P2RY8: variants seen among roughly 807,000 people sequenced by gnomAD.
The protein encoded by P2RY8 is S-geranylgeranyl-glutathione receptor P2RY8.
P2RY8 carries 6 observed loss-of-function variants against 10.0 expected under a neutral mutation model. The ratio of observed to expected loss-of-function variants is 0.60; its 90% CI spans 0.33 to 1.19. The LOEUF (loss-of-function observed/expected upper bound fraction) is 1.19. Among genes scored for constraint, P2RY8 ranks in the 50% most tolerant of loss-of-function variants. The pLI, the probability that P2RY8 is intolerant of heterozygous loss-of-function variation, is 0.04. For synonymous variants in P2RY8, 276 were observed against 252.5 expected, an observed-to-expected ratio of 1.09 and a Z score of -0.88; for missense variants, 456 against 542.0, an observed-to-expected ratio of 0.84 and a Z score of 1.58.
intron 1 of P2RY8, among the ~76,000 whole-genome samples, chrX:1,535,500 C>T (rs1318622262): frequency 6.6e-6 from 1 of 151,764 alleles, no homozygotes; most frequent in Non-Finnish European, 1.5e-5. Context: ...AAATATGCTA[C>T]TATCTGGCGC....
chrX:1,504,863 T>C (rs1381617342), intron 1 of P2RY8, among the ~76,000 whole-genome samples: 1 of 152,110 alleles, frequency 6.6e-6, no homozygotes, highest in Non-Finnish European at 1.5e-5. Context: ...CCAGGCGTGG[T>C]GGCTCACGCC....
chrX:1,465,193 C>A lies in P2RY8; in HGVS notation c.*286G>T, dbSNP rs1191136170. 4.0e-6 allele frequency: 2 copies of A among 504,076 alleles called. No homozygotes were observed. Among genetic ancestry groups the A allele is most frequent in the Non-Finnish European group, 3.5e-6 (1 of 288,226 alleles). 31.2% of individuals were successfully genotyped at this position (504,076 alleles called of 1,614,324 possible). A position where few individuals can be genotyped will look rare whatever the true frequency, so the allele number is the denominator to read the frequency against. On this transcript the variant is annotated 3_prime_UTR_variant, in exon 2 of 2. Transcript: ENST00000381297. ...AGCCGGGCGTGGTGACACAAGCTGTCCCCTGACACAGAGAGGCAGAGGCAC... is the reference window on the plus strand; with the variant it reads ...AGCCGGGCGTGGTGACACAAGCTGTACCCTGACACAGAGAGGCAGAGGCAC...
intron 1 of P2RY8, among the ~76,000 whole-genome samples, chrX:1,474,343 G>GTGGATGGA (rs779596494): frequency 2.5e-5 from 3 of 121,054 alleles, no homozygotes; most frequent in East Asian, 2.5e-4. Flanking sequence ...GTATGGGTGT[G>GTGGATGGA]TGGATGGATG....
At chrX:1,536,462 G>A (rs1313989845) in intron 1 of P2RY8, among the ~76,000 whole-genome samples, 2 of 151,856 alleles carry the variant, frequency 1.3e-5, no homozygotes, top group South Asian at 2.1e-4. Flanking sequence ...GGGTTTCACC[G>A]TGTTAGCCAG....
At chrX:1,529,898 T>C (rs1216762171) in intron 1 of P2RY8, among the ~76,000 whole-genome samples, 1 of 151,852 alleles carries the variant, frequency 6.6e-6, no homozygotes, top group Non-Finnish European at 1.5e-5. Flanking sequence ...AGGACAGTTC[T>C]GGTTGTCGCA....
chrX:1,525,720 G>A (rs191692034), intron 1 of P2RY8, among the ~76,000 whole-genome samples: 156 of 149,988 alleles, frequency 1.0e-3, no homozygotes, highest in African/African-American at 3.8e-3. Flanking sequence ...TTTATCCATC[G>A]GTTCATTCAT....
chrX:1,524,666 C>T lies in P2RY8; in HGVS notation c.-25+12255G>A, dbSNP rs1196879965. 3.6e-4 allele frequency among the ~76,000 whole-genome samples: 31 copies of T among 86,446 alleles called. 2 individuals carry two copies. The highest frequency in any genetic ancestry group is 1.1e-3 in the African/African-American group (26 of 24,210). The allele number at this position is 86,446 out of a possible 152,430, so 56.7% of individuals were successfully genotyped here. On this transcript the variant is annotated intron_variant, in intron 1 of 1. Transcript: ENST00000381297. ...CCATACATCCATCCATCCATCCATCCATTCATCCATCCATCCATCCATCCA... is the reference window on the plus strand; with the variant it reads ...CCATACATCCATCCATCCATCCATCTATTCATCCATCCATCCATCCATCCA...
chrX:1,522,174 C>T (rs1362122949), intron 1 of P2RY8, among the ~76,000 whole-genome samples: 1 of 151,458 alleles, frequency 6.6e-6, no homozygotes, highest in Non-Finnish European at 1.5e-5. Context: ...AGGCTAGTCT[C>T]GAACCCCTGA....
intron 1 of P2RY8, 130 bp from the exon 2 acceptor site, chrX:1,466,712 C>CTCCT (rs2091684379): frequency 2.9e-6 from 2 of 691,932 alleles, no homozygotes; most frequent in Non-Finnish European, 4.7e-6. Context: ...CTGCTGTCTC[C>CTCCT]TCCCTCCCTC....
intron 1 of P2RY8, among the ~76,000 whole-genome samples, chrX:1,484,235 C>T (rs2091965682): frequency 6.6e-6 from 1 of 152,148 alleles, no homozygotes; most frequent in Non-Finnish European, 1.5e-5. Flanking sequence ...CTCCAGTATA[C>T]GTATTTCCCC....
chrX:1,512,100 G>T (rs1255964853), intron 1 of P2RY8, among the ~76,000 whole-genome samples: 1 of 152,124 alleles, frequency 6.6e-6, no homozygotes, highest in African/African-American at 2.4e-5. Context: ...AGGGTCTCCT[G>T]TGTAAGAGTG....
intron 1 of P2RY8, among the ~76,000 whole-genome samples, chrX:1,478,443 AAT>A (rs1162477033): frequency 9.2e-5 from 14 of 151,994 alleles, no homozygotes; most frequent in African/African-American, 3.4e-4. Flanking sequence ...GGTGGTTTTC[AAT>A]ATGGGAAGCT....
chrX:1,518,383 GC>G (rs1317485993), intron 1 of P2RY8, among the ~76,000 whole-genome samples: 1 of 147,016 alleles, frequency 6.8e-6, no homozygotes, highest in Non-Finnish European at 1.5e-5. Context: ...CTGAGACTGT[GC>G]CACTGCACTC....
chrX:1,509,725 C>CTATGTATCTATA (rs2092280476), intron 1 of P2RY8, among the ~76,000 whole-genome samples: 3 of 129,970 alleles, frequency 2.3e-5, no homozygotes, highest in South Asian at 2.4e-4. Flanking sequence ...ATCTATGCAT[C>CTATGTATCTATA]TATGTATCTA....
chrX:1,524,597 T>TC (rs2092421645), intron 1 of P2RY8, among the ~76,000 whole-genome samples: 5 of 17,244 alleles, frequency 2.9e-4, no homozygotes, highest in African/African-American at 6.7e-4. Context: ...ATCCATCCAT[T>TC]CATCCATCTA....
At chrX:1,501,238 G>A (rs1320249125) in intron 1 of P2RY8, among the ~76,000 whole-genome samples, 2 of 152,158 alleles carry the variant, frequency 1.3e-5, no homozygotes, top group South Asian at 2.1e-4. Context: ...TTTTCGGTCC[G>A]ACTTCAAGGG....
intron 1 of P2RY8, among the ~76,000 whole-genome samples, chrX:1,491,867 G>A (rs1161277417): frequency 1.1e-4 from 16 of 152,172 alleles, no homozygotes; most frequent in Non-Finnish European, 2.1e-4. Flanking sequence ...TGGAGCAAAT[G>A]AGTAAATGAA....
chrX:1,477,456 C>A (rs2091888766), intron 1 of P2RY8, among the ~76,000 whole-genome samples: 1 of 152,172 alleles, frequency 6.6e-6, no homozygotes, highest in Admixed American at 6.5e-5. Flanking sequence ...GATCTTTCAT[C>A]TATTCATATC....
chrX:1,479,421 G>C (rs2091911574), intron 1 of P2RY8, among the ~76,000 whole-genome samples: 1 of 152,194 alleles, frequency 6.6e-6, no homozygotes, highest in Admixed American at 6.5e-5. Flanking sequence ...ACATTTTCTA[G>C]GATCGATTTC....
Sources: gnomAD v4.1 joint callset for allele counts (sites outside exome capture counted in the v4.1 genomes callset) on GRCh38, gnomAD v4.1.1 for gene constraint, MANE v1.5 for transcripts, NCBI Gene and HGNC (gene_info 2026-07-23, HGNC 2026-07-21) for gene names.